The following CSMD1 variants were observed in gnomAD, a reference collection of about 807,000 sequenced individuals.
CSMD1 encodes the protein CUB and Sushi multiple domains 1.
In CSMD1, 213 loss-of-function variants were observed where a neutral mutation model predicts 417.5. That is an observed-to-expected ratio of 0.51 (90% CI 0.46 to 0.57). The LOEUF is 0.57. Among genes scored for constraint, CSMD1 ranks in the 20% least tolerant of loss-of-function variants. The pLI is 0.00. For synonymous variants in CSMD1, 2,862 were observed against 1,736.8 expected (o/e 1.65, Z -16.11); for missense variants, 6,923 against 4,529.7 (o/e 1.53, Z -15.17).
At chr8:3,294,523 G>C (rs142007426) in intron 25 of CSMD1, among the ~76,000 whole-genome samples, 1 of 151,578 alleles carries the variant, frequency 6.6e-6, no homozygotes, top group African/African-American at 2.4e-5. Context: ...TGGCAATGGC[G>C]GGCGCCCCTC....
chr8:3,565,199 C>CAT (rs1799650829), intron 10 of CSMD1, among the ~76,000 whole-genome samples: 1 of 88,490 alleles, frequency 1.1e-5, no homozygotes, highest in African/African-American at 4.0e-5. Flanking sequence ...CATAGATAGA[C>CAT]AGATAGATAG....
chr8:3,437,215 G>C (rs1450421915), intron 12 of CSMD1, among the ~76,000 whole-genome samples: 1 of 152,144 alleles, frequency 6.6e-6, no homozygotes, highest in East Asian at 1.9e-4. Flanking sequence ...CCTGTCTGTT[G>C]CTCACTTGAT....
In CSMD1 at chr8:4,220,606, G is replaced by C. The variant is rs117631407; in HGVS notation, c.416-188507C>G. Among the ~76,000 whole-genome samples, 789 of 152,310 alleles carry C rather than the reference G, an allele frequency of 5.2e-3. 13 individuals are homozygous for C. Among genetic ancestry groups the C allele is most frequent in the Non-Finnish European group, 8.0e-3 (544 of 68,026 alleles). The stretch of plus-strand genomic sequence containing the variant: ...TTCCTAGAGTGATAAGGGTCCATGT[G>C]AGAGGAAGGACCAGTGGTATATTTT... On this transcript the variant is annotated intron_variant, in intron 3 of 69. Coordinates refer to ENST00000635120, the MANE Select transcript of CSMD1 (RefSeq NM_033225.6).
At chr8:4,420,199 C>G (rs1264574337) in intron 2 of CSMD1, 134 bp from the exon 3 acceptor site, 4 of 542,552 alleles carry the variant, frequency 7.4e-6, no homozygotes, top group South Asian at 2.3e-5. Context: ...CTTAGATAAT[C>G]CATACACATA....
intron 3 of CSMD1, among the ~76,000 whole-genome samples, chr8:4,155,274 G>A (rs1796770996): frequency 1.3e-5 from 2 of 152,186 alleles, no homozygotes; most frequent in South Asian, 4.1e-4. Flanking sequence ...AAGTCCGGGT[G>A]TGAATTAGGG....
intron 1 of CSMD1, among the ~76,000 whole-genome samples, chr8:4,921,826 A>G (rs1367093626): frequency 6.6e-5 from 10 of 152,142 alleles, no homozygotes. Context: ...GGACTTTATA[A>G]AAGTTCAAGG....
intron 54 of CSMD1, among the ~76,000 whole-genome samples, chr8:2,979,669 A>G (rs1190538448): frequency 1.3e-5 from 2 of 152,214 alleles, no homozygotes; most frequent in African/African-American, 2.4e-5. Context: ...CCCTGTACCC[A>G]AACTGTGCGT....
chr8:2,995,390 C>G (rs1181474873), intron 54 of CSMD1, among the ~76,000 whole-genome samples: 1 of 152,134 alleles, frequency 6.6e-6, no homozygotes, highest in Non-Finnish European at 1.5e-5. Context: ...ACAGAGTGAC[C>G]GCACCGAATG....
At chr8:3,971,834 T>G (rs1182640641) in intron 5 of CSMD1, among the ~76,000 whole-genome samples, 1 of 152,218 alleles carries the variant, frequency 6.6e-6, no homozygotes, top group Non-Finnish European at 1.5e-5. Flanking sequence ...ATGAATTATT[T>G]GAAATATTTA....
At chr8:3,484,945 G>A (rs1460370699) in intron 11 of CSMD1, among the ~76,000 whole-genome samples, 1 of 151,888 alleles carries the variant, frequency 6.6e-6, no homozygotes, top group Non-Finnish European at 1.5e-5. Flanking sequence ...GTGAGCATGA[G>A]GACCACTTAA....
At chr8:3,668,345 G>C (rs553880573) in intron 7 of CSMD1, among the ~76,000 whole-genome samples, 14 of 152,140 alleles carry the variant, frequency 9.2e-5, no homozygotes, top group African/African-American at 3.1e-4. Context: ...CAGGCCCTGG[G>C]CTGTGCATGA....
At chr8:4,623,948 T>A (rs1489449971) in intron 2 of CSMD1, among the ~76,000 whole-genome samples, 1 of 152,054 alleles carries the variant, frequency 6.6e-6, no homozygotes, top group South Asian at 2.1e-4. Flanking sequence ...ATAAATCTCA[T>A]CCAATTTAAA....
intron 25 of CSMD1, among the ~76,000 whole-genome samples, chr8:3,306,177 T>A (rs1004738370): frequency 1.3e-5 from 2 of 152,174 alleles, no homozygotes; most frequent in African/African-American, 4.8e-5. Context: ...GTGAAGTAAG[T>A]GTATGATATC....
intron 5 of CSMD1, among the ~76,000 whole-genome samples, chr8:3,822,559 G>T (rs80131857): frequency 0.021 from 3,153 of 152,214 alleles, 125 homozygotes; most frequent in African/African-American, 0.072. Flanking sequence ...CTTTGCTTCC[G>T]CCTCTATCAC....
intron 10 of CSMD1, among the ~76,000 whole-genome samples, chr8:3,512,210 A>C (rs565850191): frequency 1.9e-3 from 294 of 152,232 alleles, no homozygotes; most frequent in African/African-American, 6.3e-3. Flanking sequence ...CACCTAATTT[A>C]CCACCGCTCC....
chr8:4,235,853 T>A (rs1306235431), intron 3 of CSMD1, among the ~76,000 whole-genome samples: 1 of 152,166 alleles, frequency 6.6e-6, no homozygotes, highest in Admixed American at 6.5e-5. Flanking sequence ...CCTGCCATCC[T>A]TTGATTCTAA....
chr8:3,259,129 T>C (rs1800870544), intron 26 of CSMD1, among the ~76,000 whole-genome samples: 1 of 152,238 alleles, frequency 6.6e-6, no homozygotes, highest in Non-Finnish European at 1.5e-5. Context: ...CAAATTATTA[T>C]TCCAAGGGCT....
chr8:3,218,010 G>T (rs902845638), intron 29 of CSMD1, among the ~76,000 whole-genome samples: 2 of 152,096 alleles, frequency 1.3e-5, no homozygotes, highest in African/African-American at 4.8e-5. Context: ...GTTCACATGA[G>T]AAATAAATTT....
At chr8:3,752,368 T>G (rs989588265) in intron 6 of CSMD1, among the ~76,000 whole-genome samples, 1 of 151,924 alleles carries the variant, frequency 6.6e-6, no homozygotes, top group African/African-American at 2.4e-5. Flanking sequence ...TAAAATATAT[T>G]TTGGCGCTGG....
Sources: allele counts gnomAD v4.1 joint callset (sites outside exome capture counted in the v4.1 genomes callset), GRCh38; gene constraint gnomAD v4.1.1; transcripts MANE v1.5; gene names NCBI Gene and HGNC (gene_info 2026-07-23, HGNC 2026-07-21).